SCN1A: variants seen among roughly 807,000 people sequenced by gnomAD.
SCN1A encodes the protein sodium voltage-gated channel alpha subunit 1, also known as sodium channel protein type 1 subunit alpha.
Under a neutral mutation model 193.7 loss-of-function variants are expected in SCN1A, and 13 were observed. The observed-to-expected ratio is 0.07, with a 90% confidence interval of 0.04 to 0.11. SCN1A has a LOEUF of 0.11. SCN1A is among the 10% of genes least tolerant of loss of function. The pLI is 1.00. For missense variants in SCN1A, 1,432 were observed against 2,451.1 expected, an observed-to-expected ratio of 0.58 and a Z score of 8.78; for synonymous variants, 781 against 843.6, an observed-to-expected ratio of 0.93 and a Z score of 1.29.
Position 165,989,902 on chromosome 2 carries a change from T to C in SCN1A, c.*1343A>G, listed in dbSNP as rs964312170. On this transcript the variant is annotated 3_prime_UTR_variant, in exon 29 of 29. Transcript: ENST00000674923. ...TTTAAACATGTCTGTACAGTCTGGC[T>C]ATATACCATATGTTATCCACTTAAA... 5 of 152,642 alleles carry C rather than the reference T, an allele frequency of 3.3e-5. No homozygotes were observed. Among genetic ancestry groups the C allele is most frequent in the African/African-American group, 1.2e-4 (5 of 41,464 alleles). 9.5% of individuals were successfully genotyped at this position (152,642 alleles called of 1,614,324 possible).
chr2:166,036,127 A>G lies in SCN1A; in HGVS notation c.3350T>C (p.Ile1117Thr). The G allele has an allele frequency of 6.2e-7, 1 of 1,614,014 alleles. No homozygotes were observed. The highest frequency in any genetic ancestry group is 8.5e-7 in the Non-Finnish European group (1 of 1,179,934). Residue 1117 changes from isoleucine to threonine, a missense_variant, in exon 19 of 29, where the codon ATT becomes ACT. Coordinates refer to ENST00000674923, the MANE Select transcript of SCN1A (RefSeq NM_001165963.4). ...NNPSLTVTVPIAVGESDFENL... is the reference protein window; with the variant it reads ...NNPSLTVTVPTAVGESDFENL... Reference sequence around the variant, plus strand: ...TTCAAAGTCAGATTCTCCTACAGCAATTGGTACAGTCACAGTAAGACTGGG... The same window carrying G: ...TTCAAAGTCAGATTCTCCTACAGCAGTTGGTACAGTCACAGTAAGACTGGG...
At chr2:166,097,075 G>A (rs2106115976) in intron 2 of SCN1A, among the ~76,000 whole-genome samples, 2 of 151,414 alleles carry the variant, frequency 1.3e-5, no homozygotes, top group East Asian at 1.9e-4. Flanking sequence ...GGGCTGTAGT[G>A]CAGTGGCATG....
intron 22 of SCN1A, among the ~76,000 whole-genome samples, chr2:166,010,248 A>G (rs1692250365): frequency 1.3e-5 from 2 of 151,144 alleles, no homozygotes; most frequent in Admixed American, 6.6e-5. Flanking sequence ...CTGTTGTACT[A>G]AAAAAAGCAG....
intron 2 of SCN1A, among the ~76,000 whole-genome samples, chr2:166,111,927 C>T (rs1003189862): frequency 6.6e-6 from 1 of 152,036 alleles, no homozygotes; most frequent in African/African-American, 2.4e-5. Flanking sequence ...CATGATAAAA[C>T]CTTAAGAGAG....
intron 2 of SCN1A, among the ~76,000 whole-genome samples, chr2:166,089,559 T>A (rs1383979486): frequency 6.6e-6 from 1 of 152,012 alleles, no homozygotes; most frequent in Non-Finnish European, 1.5e-5. Flanking sequence ...TAAGAGTTCT[T>A]TTTTTGGTTG....
At chr2:166,052,099 C>G (rs549388065) in intron 8 of SCN1A, 111 bp from the exon 9 acceptor site, 1 of 971,516 alleles carries the variant, frequency 1.0e-6, no homozygotes, top group Non-Finnish European at 1.5e-6. Context: ...AGAATGTTTG[C>G]AACGCTAGTG....
rs528515790 is a variant in SCN1A at position 166,044,854 on chromosome 2, C to T, written c.1662+189G>A. ...CAACTTGGTGTTATCTTAACTACAC[C>T]GAGCTGTAGACTTACATATCTGTGG... On this transcript the variant is annotated intron_variant, in intron 13 of 28. Transcript: ENST00000674923. Among the ~76,000 whole-genome samples, 410 of 152,198 alleles carry T rather than the reference C, an allele frequency of 2.7e-3. 3 individuals carry two copies. Among genetic ancestry groups the T allele is most frequent in the African/African-American group, 9.0e-3 (375 of 41,542 alleles).
upstream of SCN1A, among the ~76,000 whole-genome samples, chr2:166,132,513 C>G (rs1558910353): frequency 6.6e-6 from 1 of 152,036 alleles, no homozygotes; most frequent in African/African-American, 2.4e-5. Context: ...ATGATAAACT[C>G]ATATATTTCC....
At chr2:166,002,810 A>G in intron 23 of SCN1A, 57 bp from the exon 24 acceptor site, 1 of 1,455,500 alleles carries the variant, frequency 6.9e-7, no homozygotes, top group Non-Finnish European at 9.3e-7. Flanking sequence ...AATAAAGAAA[A>G]AAAATTCCCC....
intron 2 of SCN1A, among the ~76,000 whole-genome samples, chr2:166,090,479 C>T (rs1393066663): frequency 3.3e-5 from 5 of 152,142 alleles, no homozygotes; most frequent in Non-Finnish European, 7.4e-5. Context: ...TCCCTTTAAT[C>T]TTACAAGTGA....
intron 7 of SCN1A, 151 bp downstream of exon 7, chr2:166,054,487 G>A: frequency 1.3e-6 from 1 of 785,152 alleles, no homozygotes; most frequent in East Asian, 2.7e-5. Context: ...ATTCCACTTA[G>A]ACCTTTGTTG....
chr2:165,990,936 C>A lies in SCN1A; in HGVS notation c.*309G>T. ...ACTAAAGTGTTTCATGTTAAACAAC[C>A]CCAAAATCACAGGTTTGCACCCCTT... On this transcript the variant is annotated 3_prime_UTR_variant, in exon 29 of 29. Coordinates refer to ENST00000674923, the MANE Select transcript of SCN1A (RefSeq NM_001165963.4). The A allele has an allele frequency of 3.2e-6, 1 of 316,446 alleles. No individual in the cohort carries two copies. Among genetic ancestry groups the A allele is most frequent in the Non-Finnish European group, 5.8e-6 (1 of 171,020 alleles). The allele number at this position is 316,446 out of a possible 1,614,324, so 19.6% of individuals were successfully genotyped here.
chr2:166,097,231 A>G (rs991103788), intron 2 of SCN1A, among the ~76,000 whole-genome samples: 1 of 152,160 alleles, frequency 6.6e-6, no homozygotes, highest in African/African-American at 2.4e-5. Context: ...CATGTCACCC[A>G]GGCTGGTCTT....
rs77496596 is a variant in SCN1A at position 166,078,852 on chromosome 2, A to C, written c.-141-1051T>G. On this transcript the variant is annotated intron_variant, in intron 2 of 28. Coordinates refer to ENST00000674923, the MANE Select transcript of SCN1A (RefSeq NM_001165963.4). The stretch of plus-strand genomic sequence containing the variant: ...AATTCTTAAAATGAATTTTGGTTTC[A>C]AAGTCCTCACTGATGCAAGAACTAT... 6.0e-3 allele frequency among the ~76,000 whole-genome samples: 906 copies of C among 151,830 alleles called. 9 individuals carry two copies. The highest frequency in any genetic ancestry group is 0.021 in the African/African-American group (873 of 41,530).
rs957845256 is a variant in SCN1A at position 166,076,451 on chromosome 2, A to G, written c.-50+1259T>C. The stretch of plus-strand genomic sequence containing the variant: ...TTGAATAGGAGTGTTCAATATATCA[A>G]AGACACTAGTTCTTCCCAACTTGAA... On this transcript the variant is annotated intron_variant, in intron 3 of 28. Transcript: ENST00000674923. Among the ~76,000 whole-genome samples the G allele has an allele frequency of 2.0e-5, 3 of 152,026 alleles. No homozygotes were observed. The East Asian group carries it at 5.8e-4, about 29-fold the overall frequency.
chr2:166,101,072 C>T (rs1305967715), intron 2 of SCN1A, among the ~76,000 whole-genome samples: 15 of 112,678 alleles, frequency 1.3e-4, no homozygotes, highest in Non-Finnish European at 1.8e-4. Flanking sequence ...ATGTTTATTG[C>T]GGCATTATTC....
At chr2:166,012,332 C>A in intron 21 of SCN1A, 50 bp from the exon 22 acceptor site, 1 of 1,417,600 alleles carries the variant, frequency 7.1e-7, no homozygotes, top group African/African-American at 1.4e-5. Context: ...AATTATACTC[C>A]ATAAGCTATT....
chr2:166,130,316 C>T (rs1691607067), upstream of SCN1A, among the ~76,000 whole-genome samples: 1 of 152,144 alleles, frequency 6.6e-6, no homozygotes, highest in African/African-American at 2.4e-5. Flanking sequence ...AGGCACTTTT[C>T]CAGATACTTA....
chr2:165,986,062 G>T lies in SCN1A; in HGVS notation c.*5183C>A, dbSNP rs1251358632. 1 of 151,986 alleles carries T rather than the reference G, an allele frequency of 6.6e-6. No homozygotes were observed. The highest frequency in any genetic ancestry group is 1.5e-5 in the Non-Finnish European group (1 of 67,996). 9.4% of individuals were successfully genotyped at this position (151,986 alleles called of 1,614,324 possible). On this transcript the variant is annotated 3_prime_UTR_variant, in exon 29 of 29. Transcript: ENST00000674923. Reference sequence around the variant, plus strand: ...AATACAAATGGGAGGACCGACACCAGGTTGCCAATTTTCCACTTGGCTAAA... The same window carrying T: ...AATACAAATGGGAGGACCGACACCATGTTGCCAATTTTCCACTTGGCTAAA...
Sources: gnomAD v4.1 joint callset for allele counts (sites outside exome capture counted in the v4.1 genomes callset) on GRCh38, gnomAD v4.1.1 for gene constraint, MANE v1.5 for transcripts, NCBI Gene and HGNC (gene_info 2026-07-23, HGNC 2026-07-21) for gene names.